The following CEP128 variants were observed in gnomAD, a reference collection of about 807,000 sequenced individuals.
CEP128 encodes centrosomal protein 128.
Under a neutral mutation model 156.7 loss-of-function variants are expected in CEP128, and 132 were observed. The ratio of observed to expected loss-of-function variants is 0.84; its 90% confidence interval spans 0.73 to 0.97. The LOEUF is 0.97. Ranked by LOEUF, CEP128 falls within the 50% of genes least tolerant of loss-of-function variation. The pLI, the probability that CEP128 is intolerant of heterozygous loss-of-function variation, is 0.00. For synonymous variants in CEP128, 469 were observed against 448.9 expected (o/e 1.04, Z -0.57); for missense variants, 1,252 against 1,281.9 (o/e 0.98, Z 0.36).
intron 19 of CEP128, among the ~76,000 whole-genome samples, chr14:80,676,344 T>C (rs368120434): frequency 1.3e-5 from 2 of 152,116 alleles, no homozygotes; most frequent in East Asian, 3.8e-4. Flanking sequence ...AAACTTACGT[T>C]TCCTAATTGT....
chr14:80,861,965 T>C (rs1887534391), intron 9 of CEP128, among the ~76,000 whole-genome samples: 1 of 152,130 alleles, frequency 6.6e-6, no homozygotes, highest in Non-Finnish European at 1.5e-5. Flanking sequence ...GTATCTAGAA[T>C]AAATGATGAA....
At chr14:80,789,126 G>A (rs112330728) in intron 14 of CEP128, among the ~76,000 whole-genome samples, 9 of 152,098 alleles carry the variant, frequency 5.9e-5, no homozygotes, top group East Asian at 1.9e-4. Flanking sequence ...ATTAGAAATC[G>A]GTAAAATATA....
At chr14:80,890,004 G>A (rs1889012684) in intron 8 of CEP128, among the ~76,000 whole-genome samples, 1 of 152,172 alleles carries the variant, frequency 6.6e-6, no homozygotes, top group African/African-American at 2.4e-5. Flanking sequence ...AGGCATTTAT[G>A]TGGTCAACAA....
chr14:80,801,940 T>G (rs1344333920), intron 13 of CEP128, among the ~76,000 whole-genome samples: 1 of 58,540 alleles, frequency 1.7e-5, no homozygotes, highest in Non-Finnish European at 4.0e-5. Context: ...AAAAAAAAGC[T>G]CAACATCACT....
At chr14:80,717,052 A>G (rs763815020) in intron 19 of CEP128, among the ~76,000 whole-genome samples, 6 of 152,064 alleles carry the variant, frequency 3.9e-5, no homozygotes, top group Admixed American at 6.5e-5. Flanking sequence ...ACCTTTATCC[A>G]TTTTTTAATT....
intron 20 of CEP128, among the ~76,000 whole-genome samples, chr14:80,560,880 A>G (rs1890642710): frequency 6.6e-6 from 1 of 152,216 alleles, no homozygotes; most frequent in South Asian, 2.1e-4. Context: ...TTAATACTGA[A>G]TAACTACCCT....
chr14:80,741,877 A>C (rs566599708), intron 19 of CEP128, among the ~76,000 whole-genome samples: 1 of 152,110 alleles, frequency 6.6e-6, no homozygotes, highest in Non-Finnish European at 1.5e-5. Context: ...AAAAGTTTAA[A>C]TCACTACGCA....
Position 80,711,053 on chromosome 14 carries a change from T to C in CEP128, c.2806+32022A>G, listed in dbSNP as rs189484910. On this transcript the variant is annotated intron_variant, in intron 19 of 24. Coordinates refer to ENST00000555265, the MANE Select transcript of CEP128 (RefSeq NM_152446.5). ...TAGCAGCTAAAAACAAAGCAGCTTT[T>C]TGGCTTATATGAGAAGCTATCTAAT... 2.0e-5 allele frequency among the ~76,000 whole-genome samples: 3 copies of C among 152,258 alleles called. No homozygotes were observed. The East Asian group carries it at 5.8e-4, about 29-fold the overall frequency.
intron 19 of CEP128, among the ~76,000 whole-genome samples, chr14:80,690,779 A>G (rs1411457060): frequency 6.6e-6 from 1 of 152,150 alleles, no homozygotes; most frequent in Non-Finnish European, 1.5e-5. Context: ...GCAAGAATCA[A>G]CTTTGGAACT....
At chr14:80,902,409 GAA>G (rs1883627053) in intron 6 of CEP128, among the ~76,000 whole-genome samples, 1 of 152,158 alleles carries the variant, frequency 6.6e-6, no homozygotes, top group Non-Finnish European at 1.5e-5. Flanking sequence ...CATAGTCAAG[GAA>G]AAGTTTCCAC....
chr14:80,582,917 T>C (rs1043963380), intron 19 of CEP128, among the ~76,000 whole-genome samples: 3 of 152,164 alleles, frequency 2.0e-5, no homozygotes, highest in East Asian at 1.9e-4. Context: ...GAGTGATACA[T>C]AGTGGGGTTC....
At chr14:80,532,765 T>C (rs1291562248) in intron 21 of CEP128, among the ~76,000 whole-genome samples, 2 of 152,248 alleles carry the variant, frequency 1.3e-5, no homozygotes, top group Non-Finnish European at 2.9e-5. Context: ...TTCAATGTTC[T>C]GTGACATGGA....
At chr14:80,635,556 A>G (rs1263956663) in intron 19 of CEP128, among the ~76,000 whole-genome samples, 1 of 152,182 alleles carries the variant, frequency 6.6e-6, no homozygotes, top group Non-Finnish European at 1.5e-5. Flanking sequence ...TCTTGTGTAG[A>G]GGATACAGCG....
intron 19 of CEP128, among the ~76,000 whole-genome samples, chr14:80,623,819 T>A (rs938341139): frequency 2.0e-5 from 3 of 152,140 alleles, no homozygotes; most frequent in South Asian, 4.1e-4. Flanking sequence ...ATTGTACACA[T>A]TTATGGGATA....
intron 13 of CEP128, among the ~76,000 whole-genome samples, chr14:80,803,964 A>G (rs1884024373): frequency 6.6e-6 from 1 of 152,152 alleles, no homozygotes; most frequent in Non-Finnish European, 1.5e-5. Flanking sequence ...TATACCATAT[A>G]CATGATACAA....
At chr14:80,739,960 G>T (rs1898726234) in intron 19 of CEP128, among the ~76,000 whole-genome samples, 1 of 152,008 alleles carries the variant, frequency 6.6e-6, no homozygotes, top group Non-Finnish European at 1.5e-5. Context: ...TTTTATTTTG[G>T]TTATTCAGAG....
rs138347330 is a variant in CEP128 at position 80,600,112 on chromosome 14, A to T, written c.2807-19689T>A. The stretch of plus-strand genomic sequence containing the variant: ...AGAAAAATGAACAGAGACTTAAAAG[A>T]GCAGTGGGACACCTTGAAGTATACC... On this transcript the variant is annotated intron_variant, in intron 19 of 24. Transcript: ENST00000555265. Among the ~76,000 whole-genome samples the T allele has an allele frequency of 1.8e-4, 27 of 152,344 alleles. No homozygotes were observed. In the East Asian group the frequency reaches 4.0e-3, roughly 23 times the overall value.
At chr14:80,818,130 T>G (rs1884970479) in intron 13 of CEP128, among the ~76,000 whole-genome samples, 1 of 152,034 alleles carries the variant, frequency 6.6e-6, no homozygotes, top group African/African-American at 2.4e-5. Context: ...AGTGATCCTC[T>G]CACCTCAGCC....
intron 14 of CEP128, among the ~76,000 whole-genome samples, chr14:80,792,168 T>C (rs1901741701): frequency 6.6e-6 from 1 of 152,188 alleles, no homozygotes; most frequent in Non-Finnish European, 1.5e-5. Context: ...TGCATACATA[T>C]ATCAGTGAAA....
Sources: allele counts gnomAD v4.1 joint callset (sites outside exome capture counted in the v4.1 genomes callset), GRCh38; gene constraint gnomAD v4.1.1; transcripts MANE v1.5; gene names NCBI Gene and HGNC (gene_info 2026-07-23, HGNC 2026-07-21).